MYO5A: variants seen among roughly 807,000 people sequenced by gnomAD.
MYO5A encodes the protein myosin VA.
Under a neutral mutation model 249.7 loss-of-function variants are expected in MYO5A, and 98 were observed. The ratio of observed to expected loss-of-function variants is 0.39; its 90% confidence interval spans 0.33 to 0.46. MYO5A has a LOEUF of 0.46. Ranked by LOEUF, MYO5A falls within the 20% of genes least tolerant of loss-of-function variation. The pLI is 0.98. For missense variants in MYO5A, 1,696 were observed against 2,308.8 expected (o/e 0.73, Z 5.44); for synonymous variants, 778 against 810.6 (o/e 0.96, Z 0.68).
intron 8 of MYO5A, among the ~76,000 whole-genome samples, chr15:52,406,103 A>C (rs1374845704): frequency 6.6e-6 from 1 of 152,216 alleles, no homozygotes; most frequent in East Asian, 1.9e-4. Flanking sequence ...CTTTTATCAG[A>C]TCTGGCTTCA....
At chr15:52,379,985 G>A in intron 16 of MYO5A, 77 bp from the exon 17 acceptor site, 1 of 1,475,736 alleles carries the variant, frequency 6.8e-7, no homozygotes, top group Non-Finnish European at 9.5e-7. Context: ...CAGTCAGGGT[G>A]TAAATTCTTT....
chr15:52,345,804 G>A (rs796172901), intron 30 of MYO5A, among the ~76,000 whole-genome samples: 11 of 152,212 alleles, frequency 7.2e-5, no homozygotes, highest in African/African-American at 2.6e-4. Context: ...TATCCATCAA[G>A]AGCCCCAGAC....
chr15:52,433,307 A>C (rs2075582265), intron 1 of MYO5A, 22 bp from the exon 2 acceptor site: 1 of 1,394,404 alleles, frequency 7.2e-7, no homozygotes, highest in African/African-American at 1.4e-5. Context: ...AAAGAAAAAA[A>C]TTTAAACTAG....
chr15:52,399,751 G>A (rs945377435), intron 9 of MYO5A, among the ~76,000 whole-genome samples: 1 of 152,108 alleles, frequency 6.6e-6, no homozygotes, highest in Non-Finnish European at 1.5e-5. Context: ...GAGATTTGGA[G>A]TATGAATGAA....
chr15:52,326,242 C>T (rs1420720200), intron 36 of MYO5A, among the ~76,000 whole-genome samples: 1 of 152,142 alleles, frequency 6.6e-6, no homozygotes, highest in African/African-American at 2.4e-5. Flanking sequence ...GTACAATAGT[C>T]AAACCAGATA....
At chr15:52,390,238 T>A (rs552838337) in intron 12 of MYO5A, among the ~76,000 whole-genome samples, 1 of 152,276 alleles carries the variant, frequency 6.6e-6, no homozygotes, top group Admixed American at 6.5e-5. Context: ...AATAATTTAA[T>A]TATACATTTA....
chr15:52,448,748 AGT>A (rs1018401934), intron 1 of MYO5A, among the ~76,000 whole-genome samples: 4 of 152,024 alleles, frequency 2.6e-5, no homozygotes, highest in African/African-American at 9.7e-5. Context: ...GTTGTTTAAA[AGT>A]GTGTAGCAAC....
chr15:52,376,365 C>T lies in MYO5A; in HGVS notation c.2402G>A (p.Arg801Gln), dbSNP rs779360560. Residue 801 changes from arginine to glutamine, a missense_variant, in exon 19 of 42, where the codon CGG becomes CAG. Arg to Gln is a conservative substitution (Grantham distance 43). This residue lies in a region of MYO5A where 412 missense variants were observed against 453.3 expected (regional missense o/e 0.91). Transcript: ENST00000399233. ...KAAITMQRYV[R>Q]GYQARCYAKF... ...GACCTACCATCGGGCCTGGTAGCCC[C>T]GCACGTATCTCTGCATGGTGATGGC... 5 of 1,613,972 alleles carry T rather than the reference C, an allele frequency of 3.1e-6. No homozygotes were observed. Among genetic ancestry groups the T allele is most frequent in the Admixed American group, 1.7e-5 (1 of 60,000 alleles).
chr15:52,376,319 C>A, intron 19 of MYO5A, 28 bp downstream of exon 19: 1 of 1,602,388 alleles, frequency 6.2e-7, no homozygotes, highest in South Asian at 1.1e-5. Context: ...ATTAGATGGG[C>A]ACTCTACTCT....
chr15:52,318,184 G>A (rs377590258), intron 39 of MYO5A, among the ~76,000 whole-genome samples: 7 of 152,038 alleles, frequency 4.6e-5, no homozygotes, highest in Non-Finnish European at 8.8e-5. Flanking sequence ...GGCCCAGCAC[G>A]GTGGCTCACA....
chr15:52,344,046 A>T (rs1304545736), intron 30 of MYO5A, among the ~76,000 whole-genome samples: 2 of 152,220 alleles, frequency 1.3e-5, no homozygotes, highest in Non-Finnish European at 2.9e-5. Context: ...CATAGAGGTT[A>T]CACAGCTGGT....
intron 1 of MYO5A, among the ~76,000 whole-genome samples, chr15:52,460,358 T>C (rs543184797): frequency 1.5e-3 from 228 of 152,096 alleles, no homozygotes; most frequent in African/African-American, 5.1e-3. Flanking sequence ...CTGGGCAACA[T>C]TGAGCACTGA....
At chr15:52,393,038 C>T (rs1322460060) in intron 11 of MYO5A, among the ~76,000 whole-genome samples, 3 of 152,192 alleles carry the variant, frequency 2.0e-5, no homozygotes, top group African/African-American at 7.2e-5. Context: ...CCAATCACTG[C>T]CACAGCTCCT....
intron 1 of MYO5A, among the ~76,000 whole-genome samples, chr15:52,501,859 C>A (rs1366817449): frequency 7.3e-6 from 1 of 137,600 alleles, no homozygotes; most frequent in Non-Finnish European, 1.5e-5. Context: ...CACAGACACA[C>A]ACACACATAC....
chr15:52,431,407 C>T (rs1363993225), intron 2 of MYO5A, among the ~76,000 whole-genome samples: 1 of 151,696 alleles, frequency 6.6e-6, no homozygotes, highest in Non-Finnish European at 1.5e-5. Context: ...CAAACACATA[C>T]ATACATATGT....
intron 36 of MYO5A, among the ~76,000 whole-genome samples, chr15:52,326,951 T>G (rs908629496): frequency 1.3e-5 from 2 of 152,204 alleles, no homozygotes; most frequent in African/African-American, 4.8e-5. Context: ...GCAAGATGAC[T>G]CAGTGACTAC....
chr15:52,346,768 GA>G (rs138325225), intron 29 of MYO5A, among the ~76,000 whole-genome samples: 4 of 145,242 alleles, frequency 2.8e-5, no homozygotes, highest in Admixed American at 6.7e-5. Context: ...TACATTATGT[GA>G]AAAAAAATAT....
At chr15:52,506,764 G>A (rs146850233) in intron 1 of MYO5A, among the ~76,000 whole-genome samples, 2 of 152,022 alleles carry the variant, frequency 1.3e-5, no homozygotes, top group Non-Finnish European at 2.9e-5. Flanking sequence ...GAACCCGAGA[G>A]GGGGAGGTGG....
intron 11 of MYO5A, among the ~76,000 whole-genome samples, chr15:52,393,436 C>T (rs1595586809): frequency 6.6e-6 from 1 of 151,814 alleles, no homozygotes. Context: ...CTCTGTCACC[C>T]AGGCTGGAGT....
Sources: gnomAD v4.1 joint callset for allele counts (sites outside exome capture counted in the v4.1 genomes callset) on GRCh38, gnomAD v4.1.1 for gene constraint, gnomAD v4.1.1 regional missense constraint, MANE v1.5 for transcripts, NCBI Gene and HGNC (gene_info 2026-07-23, HGNC 2026-07-21) for gene names.